The following TSC22D2 variants were observed in gnomAD, a reference collection of about 807,000 sequenced individuals.
TSC22D2 encodes TSC22 domain family protein 2.
TSC22D2 carries 5 observed loss-of-function variants against 50.1 expected under a neutral mutation model. The observed-to-expected ratio is 0.10, with a 90% CI of 0.05 to 0.21. The LOEUF (loss-of-function observed/expected upper bound fraction) is 0.21. Among genes scored for constraint, TSC22D2 ranks in the 10% least tolerant of loss-of-function variants. TSC22D2 has a pLI of 1.00. For synonymous variants in TSC22D2, 501 were observed against 450.1 expected, an observed-to-expected ratio of 1.11 and a Z score of -1.43; for missense variants, 1,003 against 1,015.5, an observed-to-expected ratio of 0.99 and a Z score of 0.17.
In TSC22D2 at chr3:150,445,527, A is replaced by G. The variant is rs564872079; in HGVS notation, c.1959-11549A>G. On this transcript the variant is annotated intron_variant, in intron 1 of 2. Coordinates refer to ENST00000688009, the MANE Select transcript of TSC22D2 (RefSeq NM_001303264.2). ...AAACCTGTTTCTTAATACTAATCAT[A>G]ATTGATTTTTATTCATGTTTCACTG... 2.6e-5 allele frequency among the ~76,000 whole-genome samples: 4 copies of G among 152,118 alleles called. No homozygotes were observed. The East Asian group carries it at 7.7e-4, about 29-fold the overall frequency.
Position 150,460,015 on chromosome 3 carries a change from GAA to G in TSC22D2, c.*1381_*1382del, listed in dbSNP as rs1453384877. ...ACATTTCATAAATACAGTTTCAAAAGAAAGCATCATTTTGTGTATACTAACAC... is the reference window on the plus strand; with the variant it reads ...ACATTTCATAAATACAGTTTCAAAAGAGCATCATTTTGTGTATACTAACAC... On this transcript the variant is annotated 3_prime_UTR_variant, in exon 3 of 3. Coordinates refer to ENST00000688009, the MANE Select transcript of TSC22D2 (RefSeq NM_001303264.2). The G allele has an allele frequency of 1.3e-5, 2 of 152,174 alleles. No homozygotes were observed. The highest frequency in any genetic ancestry group is 3.4e-3 in the Middle Eastern group (1 of 294). 9.4% of individuals were successfully genotyped at this position (152,174 alleles called of 1,614,324 possible).
intron 1 of TSC22D2, among the ~76,000 whole-genome samples, chr3:150,441,589 G>A (rs1011261404): frequency 2.6e-5 from 4 of 152,004 alleles, no homozygotes; most frequent in Non-Finnish European, 5.9e-5. Flanking sequence ...GGGAGACCCC[G>A]TCTCTACATA....
intron 1 of TSC22D2, among the ~76,000 whole-genome samples, chr3:150,426,336 T>TA (rs1720187155): frequency 6.6e-6 from 1 of 152,214 alleles, no homozygotes; most frequent in Admixed American, 6.5e-5. Flanking sequence ...TCCTATTTTC[T>TA]AAAGAACAGT....
Position 150,460,635 on chromosome 3 carries a change from A to G in TSC22D2, c.*1999A>G, listed in dbSNP as rs1721366527. On this transcript the variant is annotated 3_prime_UTR_variant, in exon 3 of 3. Transcript: ENST00000688009. ...GTAAGCAACCCTAAGGATGTGTAGT[A>G]AGATTCCAAGTAGAGCTGCTACAGG... The G allele has an allele frequency of 6.6e-6, 1 of 152,154 alleles. No individual in the cohort carries two copies. The highest frequency in any genetic ancestry group is 6.6e-5 in the Admixed American group (1 of 15,266). The allele number at this position is 152,154 out of a possible 1,614,324, so 9.4% of individuals were successfully genotyped here.
chr3:150,412,382 TAATATTATGGATTTCCAG>T (rs1263370758), intron 1 of TSC22D2, among the ~76,000 whole-genome samples: 1 of 152,218 alleles, frequency 6.6e-6, no homozygotes, highest in East Asian at 1.9e-4. Context: ...AGATACAAAC[TAATATTATGGATTTCCAG>T]AATAATTAGT....
At chr3:150,450,481 CATT>C (rs997866944) in intron 1 of TSC22D2, among the ~76,000 whole-genome samples, 5 of 151,668 alleles carry the variant, frequency 3.3e-5, no homozygotes, top group African/African-American at 7.3e-5. Flanking sequence ...TGAAATTAAA[CATT>C]ATTTGTTTTA....
intron 1 of TSC22D2, among the ~76,000 whole-genome samples, chr3:150,426,682 A>G (rs1720202914): frequency 6.6e-6 from 1 of 152,204 alleles, no homozygotes; most frequent in African/African-American, 2.4e-5. Context: ...AACAGTTGCT[A>G]GGTGTACATC....
intron 1 of TSC22D2, among the ~76,000 whole-genome samples, chr3:150,445,219 A>G (rs1384037906): frequency 6.6e-6 from 1 of 151,738 alleles, no homozygotes; most frequent in Non-Finnish European, 1.5e-5. Flanking sequence ...TGCCTTGTAC[A>G]GGAGAATCGC....
At chr3:150,413,934 G>A (rs1402947262) in intron 1 of TSC22D2, among the ~76,000 whole-genome samples, 2 of 151,630 alleles carry the variant, frequency 1.3e-5, no homozygotes, top group Non-Finnish European at 2.9e-5. Context: ...TTTGAGAAAA[G>A]AAAGGAAAAT....
Position 150,409,197 on chromosome 3 carries a change from C to A in TSC22D2, c.-154C>A. On this transcript the variant is annotated 5_prime_UTR_variant, in exon 1 of 3. Coordinates refer to ENST00000688009, the MANE Select transcript of TSC22D2 (RefSeq NM_001303264.2). This position sits in a 1 kb window ranked among gnomAD's most constrained non-coding sequence, Gnocchi z 7.4. ...GGAGGATGTCTCACCGGGCGGCCAG[C>A]GCCTGGATCAGCCCGTGACTCTTAA... 1 of 783,250 alleles carries A rather than the reference C, an allele frequency of 1.3e-6. No homozygotes were observed. Among genetic ancestry groups the A allele is most frequent in the Non-Finnish European group, 1.9e-6 (1 of 521,940 alleles). The allele number at this position is 783,250 out of a possible 1,614,324, so 48.5% of individuals were successfully genotyped here.
rs140527716 is a variant in TSC22D2, at chr3:150,453,441, T to G, written c.1959-3635T>G. 8.6e-3 allele frequency among the ~76,000 whole-genome samples: 1,303 copies of G among 152,366 alleles called. 14 individuals carry two copies. Among genetic ancestry groups the G allele is most frequent in the Non-Finnish European group, 0.011 (743 of 68,036 alleles). On this transcript the variant is annotated intron_variant, in intron 1 of 2. Transcript: ENST00000688009. The stretch of plus-strand genomic sequence containing the variant: ...TCTTGAAATAAAATAGTCTCTTATT[T>G]GCTTAAGACTACCATATTGGTATCT...
chr3:150,458,239 C>T (rs540386030), intron 2 of TSC22D2, 137 bp from the exon 3 acceptor site: 15 of 889,452 alleles, frequency 1.7e-5, no homozygotes, highest in East Asian at 2.7e-5. Flanking sequence ...TCCATAGGCT[C>T]GGTCAAGATA....
intron 1 of TSC22D2, among the ~76,000 whole-genome samples, chr3:150,436,986 A>G (rs1205462945): frequency 6.6e-6 from 1 of 152,076 alleles, no homozygotes; most frequent in Non-Finnish European, 1.5e-5. Flanking sequence ...GATCATCCTC[A>G]GTAAGGGCCC....
chr3:150,457,056 CAT>C lies in TSC22D2; in HGVS notation c.1959-17_1959-16del. On this transcript the variant is annotated intron_variant, in intron 1 of 2. Transcript: ENST00000688009. Reference sequence around the variant, plus strand: ...GAGGTTAAATTTTTTAGAATAATAACATATTCTAATTTTTTCCAGTGCATCTG... The same window carrying C: ...GAGGTTAAATTTTTTAGAATAATAACATTCTAATTTTTTCCAGTGCATCTG... 1.9e-6 allele frequency: 3 copies of C among 1,606,106 alleles called. No individual in the cohort carries two copies. The highest frequency in any genetic ancestry group is 2.6e-6 in the Non-Finnish European group (3 of 1,174,742).
chr3:150,418,327 T>C lies in TSC22D2; in HGVS notation c.1958+7019T>C, dbSNP rs116289059. Among the ~76,000 whole-genome samples the C allele has an allele frequency of 6.5e-3, 987 of 151,992 alleles. 16 individuals are homozygous for C. The highest frequency in any genetic ancestry group is 0.023 in the African/African-American group (949 of 41,482). On this transcript the variant is annotated intron_variant, in intron 1 of 2. Transcript: ENST00000688009. ...TACATTGGAGGTGGTGATGGAGTAA[T>C]ATAAGGTGCTAATGGGAACAATTTG...
intron 1 of TSC22D2, among the ~76,000 whole-genome samples, chr3:150,428,365 T>C (rs1720264817): frequency 6.6e-6 from 1 of 152,084 alleles, no homozygotes; most frequent in Non-Finnish European, 1.5e-5. Flanking sequence ...TCACTGGTAC[T>C]TAGAGGATGA....
At chr3:150,456,164 A>ACCTAC in intron 1 of TSC22D2, among the ~76,000 whole-genome samples, 1 of 148,428 alleles carries the variant, frequency 6.7e-6, no homozygotes, top group African/African-American at 2.5e-5. Context: ...GGTCTGCCAG[A>ACCTAC]ATGTTGTTTC....
chr3:150,438,329 C>CA, intron 1 of TSC22D2: 1 of 319,656 alleles, frequency 3.1e-6, no homozygotes, highest in Middle Eastern at 3.9e-4. Context: ...ATGTTGTCCA[C>CA]AAGAGTGTCA....
intron 1 of TSC22D2, among the ~76,000 whole-genome samples, chr3:150,421,087 AAAAT>A (rs1719990787): frequency 6.6e-6 from 1 of 152,244 alleles, no homozygotes; most frequent in Admixed American, 6.5e-5. Context: ...CTGTCTCCAA[AAAAT>A]AAATAAATAA....
Sources: allele counts gnomAD v4.1 joint callset (sites outside exome capture counted in the v4.1 genomes callset), GRCh38; gene constraint gnomAD v4.1.1; non-coding constraint Gnocchi (gnomAD v3.1); transcripts MANE v1.5; gene names NCBI Gene and HGNC (gene_info 2026-07-23, HGNC 2026-07-21).